Variants in SNX29 observed in about 807,000 individuals in gnomAD.
The protein encoded by SNX29 is sorting nexin-29.
In SNX29, 78 loss-of-function variants were observed where a neutral mutation model predicts 102.1. The observed-to-expected ratio is 0.76, with a 90% CI of 0.64 to 0.92. SNX29 has a LOEUF of 0.92. SNX29 is among the 40% of genes least tolerant of loss of function. The pLI is 0.00. For missense variants in SNX29, 1,280 were observed against 1,061.7 expected (o/e 1.21, Z -2.86); for synonymous variants, 580 against 414.5 (o/e 1.40, Z -4.85).
chr16:12,377,398 C>A lies in SNX29; in HGVS notation c.1900-21048C>A, dbSNP rs951320695. The stretch of plus-strand genomic sequence containing the variant: ...TGGCAGAGGGGCAGGAGACATTGGC[C>A]AAGCACATTCTGACTCTTAAAGCTT... On this transcript the variant is annotated intron_variant, in intron 16 of 20. Transcript: ENST00000566228. Among the ~76,000 whole-genome samples, 5 of 152,300 alleles carry A rather than the reference C, an allele frequency of 3.3e-5. No individual in the cohort carries two copies. The South Asian group carries it at 1.0e-3, about 32-fold the overall frequency.
intron 14 of SNX29, among the ~76,000 whole-genome samples, chr16:12,277,659 C>T (rs533705260): frequency 2.0e-4 from 31 of 152,222 alleles, no homozygotes; most frequent in South Asian, 1.0e-3. Context: ...ATGGCAGCCT[C>T]GACCTCCTGG....
intron 18 of SNX29, among the ~76,000 whole-genome samples, chr16:12,425,271 A>G (rs541838773): frequency 1.1e-4 from 17 of 152,348 alleles, no homozygotes; most frequent in Non-Finnish European, 1.9e-4. Flanking sequence ...ATCACCCCGC[A>G]CATGCTAAGA....
intron 13 of SNX29, among the ~76,000 whole-genome samples, chr16:12,176,401 G>A (rs1351804009): frequency 6.6e-6 from 1 of 152,148 alleles, no homozygotes; most frequent in South Asian, 2.1e-4. Context: ...AATAGTGAAT[G>A]TTCCAGAAAC....
chr16:12,570,094 C>G lies in SNX29; in HGVS notation c.*1465C>G, dbSNP rs1019301253. ...CTGGAAGGTTTATACTGTGCCTTCC[C>G]CTCGTAGCAAAAAGGAAGATTGTTC... is the stretch of plus-strand genomic sequence containing the variant. On this transcript the variant is annotated 3_prime_UTR_variant, in exon 21 of 21. Transcript: ENST00000566228. The G allele has an allele frequency of 1.5e-5, 14 of 925,488 alleles. No homozygotes were observed. The African/African-American group carries it at 2.4e-4, about 16-fold the overall frequency. 57.3% of individuals were successfully genotyped at this position (925,488 alleles called of 1,614,324 possible).
intron 18 of SNX29, among the ~76,000 whole-genome samples, chr16:12,407,967 C>T (rs373364098): frequency 8.5e-5 from 13 of 152,168 alleles, no homozygotes; most frequent in South Asian, 4.2e-4. Context: ...TTTCAGCCTA[C>T]GCAACACAGT....
intron 18 of SNX29, among the ~76,000 whole-genome samples, chr16:12,432,884 C>A (rs933857780): frequency 1.3e-4 from 20 of 152,240 alleles, no homozygotes; most frequent in Admixed American, 8.5e-4. Flanking sequence ...AAGACTTTCT[C>A]CCCATGTGTT....
At chr16:12,403,217 TG>T (rs2084022625) in intron 17 of SNX29, among the ~76,000 whole-genome samples, 1 of 146,576 alleles carries the variant, frequency 6.8e-6, no homozygotes, top group East Asian at 2.0e-4. Flanking sequence ...TGTGTGTGTG[TG>T]TGTGTGTGTG....
At position 12,568,857 on chromosome 16, in the gene SNX29, C is replaced by G. The variant is rs1298026529; in HGVS notation, c.*228C>G. ...CAGCACCTCGCTGGAGAGACTGGGA[C>G]ACACAGTCCTTCTGCTTCTGGGGTC... is the stretch of plus-strand genomic sequence containing the variant. On this transcript the variant is annotated 3_prime_UTR_variant, in exon 21 of 21. Coordinates refer to ENST00000566228, the MANE Select transcript of SNX29 (RefSeq NM_032167.5). The G allele has an allele frequency of 3.0e-5, 19 of 636,254 alleles. No individual in the cohort carries two copies. The highest frequency in any genetic ancestry group is 1.0e-4 in the South Asian group (5 of 47,824). The allele number at this position is 636,254 out of a possible 1,614,324, so 39.4% of individuals were successfully genotyped here. A position where few individuals can be genotyped will look rare whatever the true frequency, so the allele number is the denominator to read the frequency against.
intron 18 of SNX29, among the ~76,000 whole-genome samples, chr16:12,405,647 A>C (rs1327904606): frequency 6.6e-6 from 1 of 152,212 alleles, no homozygotes; most frequent in African/African-American, 2.4e-5. Context: ...GAAATCCTTT[A>C]TTGCCATGTT....
chr16:12,453,336 G>A lies in SNX29; in HGVS notation c.2038-24383G>A, dbSNP rs1044490412. Reference sequence around the variant, plus strand: ...CAACCACCACTGTACACTAGAGTAGGCAGGTAGCTCTAGACTTGGCAGGTT... The same window carrying A: ...CAACCACCACTGTACACTAGAGTAGACAGGTAGCTCTAGACTTGGCAGGTT... On this transcript the variant is annotated intron_variant, in intron 18 of 20. Transcript: ENST00000566228. Among the ~76,000 whole-genome samples the A allele has an allele frequency of 5.9e-5, 9 of 152,300 alleles. No individual in the cohort carries two copies. The East Asian group carries it at 1.5e-3, about 26-fold the overall frequency.
chr16:12,561,419 C>G (rs934869936), intron 20 of SNX29, among the ~76,000 whole-genome samples: 4 of 152,162 alleles, frequency 2.6e-5, no homozygotes, highest in Non-Finnish European at 5.9e-5. Flanking sequence ...TCAGTCCTAG[C>G]TGGGTTGCAG....
At chr16:12,562,993 A>C (rs1382171241) in intron 20 of SNX29, among the ~76,000 whole-genome samples, 1 of 138,134 alleles carries the variant, frequency 7.2e-6, no homozygotes, top group Admixed American at 7.1e-5. Context: ...CGTAAGAAAA[A>C]CTGCTTCAAT....
At chr16:12,541,188 A>T (rs965389554) in intron 20 of SNX29, among the ~76,000 whole-genome samples, 1 of 152,156 alleles carries the variant, frequency 6.6e-6, no homozygotes, top group Admixed American at 6.5e-5. Flanking sequence ...AGTATTGTCT[A>T]TCCTGAAGTA....
chr16:12,072,380 G>A (rs552170760), intron 10 of SNX29, among the ~76,000 whole-genome samples: 8 of 152,216 alleles, frequency 5.3e-5, no homozygotes, highest in South Asian at 2.1e-4. Context: ...AGCATGAAGC[G>A]TTGTTGAATT....
chr16:12,547,233 C>T (rs1010616584), intron 20 of SNX29, among the ~76,000 whole-genome samples: 1 of 152,170 alleles, frequency 6.6e-6, no homozygotes, highest in Non-Finnish European at 1.5e-5. Context: ...GGGAGCCAGG[C>T]AGTGGACACA....
chr16:12,178,648 C>T (rs2076314963), intron 13 of SNX29, among the ~76,000 whole-genome samples: 1 of 152,220 alleles, frequency 6.6e-6, no homozygotes, highest in African/African-American at 2.4e-5. Flanking sequence ...ACAGGACCTT[C>T]CAGGGTATGG....
intron 20 of SNX29, among the ~76,000 whole-genome samples, chr16:12,550,531 C>CA (rs34325828): frequency 0.047 from 5,111 of 108,098 alleles, 112 homozygotes; most frequent in South Asian, 0.13. Context: ...TCTCAATCTA[C>CA]AAAAAAAAAA....
At chr16:12,075,992 C>T (rs904393487) in intron 10 of SNX29, among the ~76,000 whole-genome samples, 72 of 152,338 alleles carry the variant, frequency 4.7e-4, no homozygotes, top group African/African-American at 1.6e-3. Context: ...ATAATCTCCT[C>T]ACGCGCTGTT....
chr16:12,273,022 A>T (rs902965663), intron 14 of SNX29, among the ~76,000 whole-genome samples: 1 of 152,204 alleles, frequency 6.6e-6, no homozygotes, highest in Admixed American at 6.5e-5. Flanking sequence ...TGGAAATGCT[A>T]TCTACAGCTG....
Sources: gnomAD v4.1 joint callset for allele counts (sites outside exome capture counted in the v4.1 genomes callset) on GRCh38, gnomAD v4.1.1 for gene constraint, MANE v1.5 for transcripts, NCBI Gene and HGNC (gene_info 2026-07-23, HGNC 2026-07-21) for gene names.